Variants in RPS6KA6 observed in about 807,000 individuals in gnomAD.
RPS6KA6 encodes the protein ribosomal protein S6 kinase A6.
Under a neutral mutation model 65.4 loss-of-function variants are expected in RPS6KA6, and 27 were observed. The ratio of observed to expected loss-of-function variants is 0.41; its 90% CI spans 0.30 to 0.57. The LOEUF is 0.57. RPS6KA6 is among the 20% of genes least tolerant of loss of function. RPS6KA6 has a pLI of 0.24. For missense variants in RPS6KA6, 486 were observed against 555.6 expected (o/e 0.87, Z 1.26); for synonymous variants, 190 against 184.2 (o/e 1.03, Z -0.26).
At chrX:84,084,945 G>C (rs1413460850) in intron 20 of RPS6KA6, among the ~76,000 whole-genome samples, 1 of 111,119 alleles carries the variant, frequency 9.0e-6, no homozygotes, top group Non-Finnish European at 1.9e-5. Context: ...GTATTCGTAG[G>C]TGTTTTATTC....
chrX:84,087,994 C>A, intron 20 of RPS6KA6, among the ~76,000 whole-genome samples: 4 of 112,009 alleles, frequency 3.6e-5, no homozygotes, highest in Non-Finnish European at 7.5e-5. Flanking sequence ...TTTTTCAGCT[C>A]CATCAGGTCA....
Position 84,064,870 on chromosome X carries a change from G to T in RPS6KA6, c.2112+101C>A, listed in dbSNP as rs769545082. On this transcript the variant is annotated intron_variant, in intron 21 of 21. Transcript: ENST00000262752. ...AAAAAATCTATCTTTAAAAAATAAA[G>T]ATATTTTAAGGAATTATTTAAGTGT... 4.7e-5 allele frequency: 28 copies of T among 596,074 alleles called. No homozygotes were observed. The African/African-American group carries it at 6.4e-4, about 14-fold the overall frequency. The allele number at this position is 596,074 out of a possible 1,213,427, so 49.1% of individuals were successfully genotyped here. A position where few individuals can be genotyped will look rare whatever the true frequency, so the allele number is the denominator to read the frequency against.
In RPS6KA6 at chrX:84,064,460, A is replaced by G. The variant is rs976039786; in HGVS notation, c.2113-58T>C. The G allele has an allele frequency of 1.4e-4, 151 of 1,085,808 alleles. No individual in the cohort carries two copies. The South Asian group carries it at 1.6e-3, about 12-fold the overall frequency. The allele number at this position is 1,085,808 out of a possible 1,213,427, so 89.5% of individuals were successfully genotyped here. ...ACAAATTCTGGAGTTAAAAAAAAAA[A>G]AAACTTTCACATGATATCATGAGAC... On this transcript the variant is annotated intron_variant, in intron 21 of 21. Coordinates refer to ENST00000262752, the MANE Select transcript of RPS6KA6 (RefSeq NM_014496.5).
At chrX:84,179,921 G>A (rs1353499469) in intron 1 of RPS6KA6, among the ~76,000 whole-genome samples, 1 of 111,869 alleles carries the variant, frequency 8.9e-6, no homozygotes, top group African/African-American at 3.2e-5. Context: ...AATCATGAAT[G>A]CAAAATATTT....
At chrX:84,141,478 CA>C (rs199734584) in intron 6 of RPS6KA6, among the ~76,000 whole-genome samples, 1 of 105,912 alleles carries the variant, frequency 9.4e-6, no homozygotes. Context: ...CAAATGGGAC[CA>C]AAAAAAATCC....
chrX:84,085,035 C>A (rs912471020), intron 20 of RPS6KA6, among the ~76,000 whole-genome samples: 6 of 111,502 alleles, frequency 5.4e-5, no homozygotes, highest in Admixed American at 9.6e-5. Context: ...GAAATGCTAG[C>A]AATCTTTGCA....
In RPS6KA6 at chrX:84,063,616, A is replaced by C. The variant is rs1459622480; in HGVS notation, c.*661T>G. 8.9e-6 allele frequency: 1 copy of C among 111,922 alleles called. No individual in the cohort carries two copies. Among genetic ancestry groups the C allele is most frequent in the Non-Finnish European group, 1.9e-5 (1 of 53,128 alleles). The allele number at this position is 111,922 out of a possible 1,213,427, so 9.2% of individuals were successfully genotyped here. A position where few individuals can be genotyped will look rare whatever the true frequency, so the allele number is the denominator to read the frequency against. On this transcript the variant is annotated 3_prime_UTR_variant, in exon 22 of 22. Coordinates refer to ENST00000262752, the MANE Select transcript of RPS6KA6 (RefSeq NM_014496.5). ...CCTTTATTTCTAAATGAGGCCACTT[A>C]TTATGGATAATATACAGATCTGCCT...
At chrX:84,123,118 G>A (rs1046536756) in intron 8 of RPS6KA6, among the ~76,000 whole-genome samples, 1 of 111,654 alleles carries the variant, frequency 9.0e-6, no homozygotes, top group African/African-American at 3.3e-5. Flanking sequence ...CTGTCTTGAA[G>A]AGAAGAACCC....
intron 8 of RPS6KA6, among the ~76,000 whole-genome samples, chrX:84,124,518 T>C (rs753423908): frequency 9.1e-6 from 1 of 110,009 alleles, no homozygotes; most frequent in Non-Finnish European, 1.9e-5. Flanking sequence ...ACTTGACATA[T>C]CAAAGAATGC....
At chrX:84,104,697 T>G in intron 16 of RPS6KA6, 40 bp from the exon 17 acceptor site, 3 of 826,663 alleles carry the variant, frequency 3.6e-6, no homozygotes, top group Non-Finnish European at 4.9e-6. Flanking sequence ...TTATTTATAA[T>G]TACAATTCTA....
At chrX:84,181,449 A>G (rs1486464554) in intron 1 of RPS6KA6, among the ~76,000 whole-genome samples, 4 of 112,546 alleles carry the variant, frequency 3.6e-5, no homozygotes, top group African/African-American at 1.3e-4. Flanking sequence ...GGCTCCAGTC[A>G]TATCTTAAAA....
Position 84,068,772 on chromosome X carries a change from CAAT to C in RPS6KA6, c.1972-3664_1972-3662del, listed in dbSNP as rs749818173. ...AAAAATCACAAATATTCCTACACAC[CAAT>C]AATACACAAGCAGAGAGCCAAATCA... On this transcript the variant is annotated intron_variant, in intron 20 of 21. Transcript: ENST00000262752. 1.3e-3 allele frequency among the ~76,000 whole-genome samples: 148 copies of C among 111,295 alleles called. 1 individual carries two copies. The highest frequency in any genetic ancestry group is 4.7e-3 in the African/African-American group (144 of 30,633).
intron 8 of RPS6KA6, among the ~76,000 whole-genome samples, chrX:84,120,797 A>G (rs1476214796): frequency 8.9e-6 from 1 of 111,906 alleles, no homozygotes; most frequent in East Asian, 2.8e-4. Flanking sequence ...TTTTGTAGAA[A>G]TCAATAAGCT....
At chrX:84,065,361 A>G (rs2033377370) in intron 20 of RPS6KA6, among the ~76,000 whole-genome samples, 1 of 111,595 alleles carries the variant, frequency 9.0e-6, no homozygotes, top group Non-Finnish European at 1.9e-5. Context: ...TGGATGTGTG[A>G]TTAGTGACGG....
rs1302253757 is a variant in RPS6KA6, at chrX:84,119,966, T to A, written c.708A>T (p.Thr236=). The change falls in exon 9 of 22, where the codon ACA becomes ACT. Residue 236 remains threonine (T), a synonymous_variant. Coordinates refer to ENST00000262752, the MANE Select transcript of RPS6KA6 (RefSeq NM_014496.5). ...CTACTTCAGGAGCCATATACTCTAC[T>A]GTACCACAAAATGAGTAAGCCTTCT... ...QEKKAYSFCG[T]VEYMAPEVVN... 8.4e-7 allele frequency: 1 copy of A among 1,196,109 alleles called. No individual in the cohort carries two copies. Among genetic ancestry groups the A allele is most frequent in the Admixed American group, 2.2e-5 (1 of 45,367 alleles).
In RPS6KA6 at chrX:84,063,303, C is replaced by T. The variant is rs2033331584; in HGVS notation, c.*974G>A. The stretch of plus-strand genomic sequence containing the variant: ...ATGTCAACTGTATTATCATAGGATT[C>T]AAGGTAGAATGATATGCTACACTGT... On this transcript the variant is annotated 3_prime_UTR_variant, in exon 22 of 22. Coordinates refer to ENST00000262752, the MANE Select transcript of RPS6KA6 (RefSeq NM_014496.5). 9.1e-6 allele frequency: 1 copy of T among 109,403 alleles called. No individual in the cohort carries two copies. Among genetic ancestry groups the T allele is most frequent in the Non-Finnish European group, 1.9e-5 (1 of 52,418 alleles). The allele number at this position is 109,403 out of a possible 1,213,427, so 9.0% of individuals were successfully genotyped here.
intron 1 of RPS6KA6, among the ~76,000 whole-genome samples, chrX:84,173,172 T>C (rs1375504236): frequency 2.7e-5 from 3 of 110,977 alleles, no homozygotes; most frequent in African/African-American, 6.6e-5. Flanking sequence ...AAAATAAGAT[T>C]AGTAATACAT....
In RPS6KA6 at chrX:84,061,776, C is replaced by T. The variant is rs1002022529; in HGVS notation, c.*2501G>A. On this transcript the variant is annotated 3_prime_UTR_variant, in exon 22 of 22. Coordinates refer to ENST00000262752, the MANE Select transcript of RPS6KA6 (RefSeq NM_014496.5). ...ACAATGCAAAATCATTATTCAAGAA[C>T]CCATTAGAAACCACAGTATTCTAAA... 1 of 111,623 alleles carries T rather than the reference C, an allele frequency of 9.0e-6. No individual in the cohort carries two copies. Among genetic ancestry groups the T allele is most frequent in the African/African-American group, 3.3e-5 (1 of 30,724 alleles). The allele number at this position is 111,623 out of a possible 1,213,427, so 9.2% of individuals were successfully genotyped here. A position where few individuals can be genotyped will look rare whatever the true frequency, so the allele number is the denominator to read the frequency against.
chrX:84,153,810 A>G (rs1019620427), intron 3 of RPS6KA6, among the ~76,000 whole-genome samples: 1 of 110,570 alleles, frequency 9.0e-6, no homozygotes, highest in African/African-American at 3.3e-5. Flanking sequence ...TCCTAGGGGG[A>G]AAAAAAAGCC....
Sources: gnomAD v4.1 joint callset for allele counts (sites outside exome capture counted in the v4.1 genomes callset) on GRCh38, gnomAD v4.1.1 for gene constraint, MANE v1.5 for transcripts, NCBI Gene and HGNC (gene_info 2026-07-23, HGNC 2026-07-21) for gene names.